Variants in LRIF1 observed in about 807,000 individuals in gnomAD.
LRIF1 encodes ligand dependent nuclear receptor interacting factor 1.
A neutral mutation model predicts 52.7 loss-of-function variants in LRIF1; 32 were observed. That is an observed-to-expected ratio of 0.61 (90% CI 0.46 to 0.82). The LOEUF (loss-of-function observed/expected upper bound fraction) is 0.82. Among genes scored for constraint, LRIF1 ranks in the 40% least tolerant of loss-of-function variants. LRIF1 has a pLI of 0.00. For missense variants in LRIF1, 887 were observed against 892.0 expected (o/e 0.99, Z 0.07); for synonymous variants, 323 against 317.4 (o/e 1.02, Z -0.19).
In LRIF1 at chr1:110,949,845, A is replaced by G; in HGVS notation, c.1869+6T>C. 6.2e-7 allele frequency: 1 copy of G among 1,611,990 alleles called. No homozygotes were observed. Among genetic ancestry groups the G allele is most frequent in the Non-Finnish European group, 8.5e-7 (1 of 1,178,778 alleles). On this transcript the variant is annotated splice_donor_region_variant and intron_variant, in intron 3 of 3. Coordinates refer to ENST00000369763, the MANE Select transcript of LRIF1 (RefSeq NM_018372.4). ...TATGAAGAGCACATTAAAATGTATT[A>G]CCTACCTGTTTTCTCTCTCCTTCCT... is the stretch of plus-strand genomic sequence containing the variant.
the LRIF1 span, among the ~76,000 whole-genome samples, chr1:110,900,750 C>CAAAAAA: frequency 8.9e-6 from 1 of 112,540 alleles, no homozygotes; most frequent in Non-Finnish European, 1.8e-5. Flanking sequence ...AGCTCACACT[C>CAAAAAA]AAAAAAAAAA....
At chr1:110,898,294 G>A in the LRIF1 span, among the ~76,000 whole-genome samples, 8 of 150,874 alleles carry the variant, frequency 5.3e-5, no homozygotes, top group Admixed American at 1.3e-4. Flanking sequence ...GGAGAATGGC[G>A]TGAACCTGGG....
At chr1:110,889,096 T>G in the LRIF1 span, among the ~76,000 whole-genome samples, 1 of 129,562 alleles carries the variant, frequency 7.7e-6, no homozygotes, top group East Asian at 2.1e-4. Context: ...AAATGTCACA[T>G]TCTAAGAGTT....
the LRIF1 span, among the ~76,000 whole-genome samples, chr1:110,900,445 C>A: frequency 6.6e-6 from 1 of 152,170 alleles, no homozygotes; most frequent in Non-Finnish European, 1.5e-5. Flanking sequence ...CGGCTCACTG[C>A]AACCTCTGCC....
intron 2 of LRIF1, among the ~76,000 whole-genome samples, chr1:110,950,341 C>T (rs1658415234): frequency 6.6e-6 from 1 of 152,134 alleles, no homozygotes; most frequent in Admixed American, 6.5e-5. Context: ...TAATTTGTTG[C>T]ACTAGAAAGG....
chr1:110,886,059 AT>A, the LRIF1 span, among the ~76,000 whole-genome samples: 1 of 152,216 alleles, frequency 6.6e-6, no homozygotes, highest in East Asian at 1.9e-4. Context: ...CTGATGAGGA[AT>A]TCTTTCACCT....
At chr1:110,888,186 C>T in the LRIF1 span, among the ~76,000 whole-genome samples, 1 of 152,180 alleles carries the variant, frequency 6.6e-6, no homozygotes, top group South Asian at 2.1e-4. Context: ...ATACTTCTGA[C>T]CTTCAGAACT....
chr1:110,911,604 C>A, the LRIF1 span, among the ~76,000 whole-genome samples: 1 of 152,068 alleles, frequency 6.6e-6, no homozygotes, highest in African/African-American at 2.4e-5. Flanking sequence ...AAATCCTCAA[C>A]AAAATACGAG....
the LRIF1 span, among the ~76,000 whole-genome samples, chr1:110,882,242 T>C: frequency 6.6e-6 from 1 of 152,186 alleles, no homozygotes; most frequent in Non-Finnish European, 1.5e-5. Flanking sequence ...TTTAGATCTA[T>C]GATTCATCAC....
At chr1:110,892,195 C>A in the LRIF1 span, 2 of 685,288 alleles carry the variant, frequency 2.9e-6, no homozygotes, top group South Asian at 1.7e-5. Context: ...CCAATGTAAG[C>A]ATGGAAAAGT....
the LRIF1 span, among the ~76,000 whole-genome samples, chr1:110,890,625 T>A: frequency 1.6e-4 from 24 of 152,152 alleles, no homozygotes; most frequent in Admixed American, 3.9e-4. Flanking sequence ...AAAGGAAAAG[T>A]CAAAATTCTG....
At chr1:110,950,841 C>CA (rs553871102) in intron 2 of LRIF1, among the ~76,000 whole-genome samples, 5 of 152,016 alleles carry the variant, frequency 3.3e-5, no homozygotes, top group South Asian at 2.1e-4. Flanking sequence ...ACCACCACCA[C>CA]AAAAAAACCC....
At chr1:110,899,405 C>T in the LRIF1 span, 1 of 492,090 alleles carries the variant, frequency 2.0e-6, no homozygotes, top group Non-Finnish European at 3.7e-6. Flanking sequence ...CTGACGGCAG[C>T]AGCCATGTCT....
At chr1:110,904,016 A>C in the LRIF1 span, among the ~76,000 whole-genome samples, 1 of 152,140 alleles carries the variant, frequency 6.6e-6, no homozygotes, top group African/African-American at 2.4e-5. Flanking sequence ...TTGTGGTGGT[A>C]GTGGCTACAG....
chr1:110,906,024 T>C, the LRIF1 span, among the ~76,000 whole-genome samples: 2 of 151,752 alleles, frequency 1.3e-5, no homozygotes, highest in Admixed American at 1.3e-4. Flanking sequence ...AAACATATGA[T>C]GGATGCACAA....
In LRIF1 at chr1:110,948,224, G is replaced by C. The variant is rs372607968; in HGVS notation, c.2045C>G (p.Thr682Arg). 6.2e-7 allele frequency: 1 copy of C among 1,613,836 alleles called. No individual in the cohort carries two copies. Among genetic ancestry groups the C allele is most frequent in the African/African-American group, 1.3e-5 (1 of 74,888 alleles). ...TTCTTGTCTGGTTTTGCTGTGACTC[G>C]TGAGAATGTTATGTTGTGACACATC... ...TSDVSQHNIL[T>R]SHSKTRQEKR... Residue 682 changes from threonine (T) to arginine (R), a missense_variant, in exon 4 of 4, where the codon ACG becomes AGG. Physicochemically the swap from Thr to Arg is moderately conservative, Grantham distance 71. Transcript: ENST00000369763.
At chr1:110,902,406 A>G in the LRIF1 span, among the ~76,000 whole-genome samples, 2 of 151,704 alleles carry the variant, frequency 1.3e-5, no homozygotes, top group Non-Finnish European at 2.9e-5. Context: ...ACCTTTCATA[A>G]TAAGGCTTTG....
chr1:110,886,721 T>C, the LRIF1 span, among the ~76,000 whole-genome samples: 108,100 of 150,926 alleles, frequency 0.72, 41,077 homozygotes, highest in Non-Finnish European at 0.84. Flanking sequence ...TGGTGGCACG[T>C]GCTGTGGTCC....
At chr1:110,892,225 T>G in the LRIF1 span, 38 of 790,148 alleles carry the variant, frequency 4.8e-5, no homozygotes, top group East Asian at 1.2e-4. Context: ...AAATTGTTCA[T>G]GAGACTCTTG....
Sources: gnomAD v4.1 joint callset for allele counts (sites outside exome capture counted in the v4.1 genomes callset) on GRCh38, gnomAD v4.1.1 for gene constraint, MANE v1.5 for transcripts, NCBI Gene and HGNC (gene_info 2026-07-23, HGNC 2026-07-21) for gene names.